Variants in RIMS2 observed in about 807,000 individuals in gnomAD.
The protein encoded by RIMS2 is regulating synaptic membrane exocytosis 2.
In RIMS2, 59 loss-of-function variants were observed where a neutral mutation model predicts 174.4. That is an observed-to-expected ratio of 0.34 (90% CI 0.27 to 0.42). The LOEUF (loss-of-function observed/expected upper bound fraction) is 0.42, where lower values mean the gene tolerates loss of function less well. Among genes scored for constraint, RIMS2 ranks in the 10% least tolerant of loss-of-function variants. RIMS2 has a pLI of 1.00. For missense variants in RIMS2, 1,620 were observed against 1,666.3 expected (o/e 0.97, Z 0.48); for synonymous variants, 606 against 572.5 (o/e 1.06, Z -0.84).
chr8:104,148,575 G>A (rs369743981), intron 19 of RIMS2, 32 bp from the exon 25 acceptor site: 14 of 1,574,578 alleles, frequency 8.9e-6, no homozygotes, highest in Admixed American at 1.8e-5. Context: ...TTTTACTCTT[G>A]TCCTCACTTT....
intron 2 of RIMS2, among the ~76,000 whole-genome samples, chr8:103,746,637 G>A (rs2097820424): frequency 6.6e-6 from 1 of 151,798 alleles, no homozygotes; most frequent in South Asian, 2.1e-4. Flanking sequence ...CAGTGTGTGT[G>A]TTGTTCTCTT....
intron 2 of RIMS2, among the ~76,000 whole-genome samples, chr8:103,706,939 C>T (rs2097238193): frequency 6.6e-6 from 1 of 152,098 alleles, no homozygotes; most frequent in African/African-American, 2.4e-5. Flanking sequence ...TCCCTTGTAG[C>T]CTGTTTTCTA....
chr8:103,534,572 T>C (rs1838922552), intron 1 of RIMS2, among the ~76,000 whole-genome samples: 1 of 151,936 alleles, frequency 6.6e-6, no homozygotes, highest in Admixed American at 6.6e-5. Flanking sequence ...CGTATTTGTA[T>C]TTCCTATCTG....
chr8:103,817,450 T>A (rs1405283247), intron 3 of RIMS2, among the ~76,000 whole-genome samples: 1 of 152,156 alleles, frequency 6.6e-6, no homozygotes, highest in Non-Finnish European at 1.5e-5. Context: ...ATCAAAATAT[T>A]TTTTCTATCT....
chr8:103,801,488 A>G (rs1343100014), intron 3 of RIMS2, among the ~76,000 whole-genome samples: 1 of 152,216 alleles, frequency 6.6e-6, no homozygotes, highest in Non-Finnish European at 1.5e-5. Context: ...GGCAGAATAG[A>G]CATTTTCATA....
chr8:104,010,391 A>G (rs2095718418), intron 17 of RIMS2, among the ~76,000 whole-genome samples: 1 of 152,170 alleles, frequency 6.6e-6, no homozygotes, highest in African/African-American at 2.4e-5. Context: ...TGTTTAAGAC[A>G]AAGGCCTTCT....
chr8:103,819,492 A>G (rs773910505), intron 3 of RIMS2: 1 of 1,611,116 alleles, frequency 6.2e-7, no homozygotes, highest in Middle Eastern at 1.7e-4. Flanking sequence ...GAGAAGGGGA[A>G]AAAAAAAGAA....
In RIMS2 at chr8:104,014,357, C is replaced by A; in HGVS notation, c.3225-149C>A. 5.8e-6 allele frequency: 3 copies of A among 517,566 alleles called. No homozygotes were observed. The East Asian group carries it at 8.5e-5, about 15-fold the overall frequency. The allele number at this position is 517,566 out of a possible 1,614,324, so 32.1% of individuals were successfully genotyped here. ...TTTTGCTATTTAATCATTCAGATAT[C>A]CATATTTTGTCCAGTTTTCCTAACC... On this transcript the variant is annotated intron_variant, in intron 18 of 23. Coordinates refer to ENST00000504942, the Ensembl canonical transcript of RIMS2.
At chr8:103,988,981 A>G (rs1284939835) in intron 16 of RIMS2, among the ~76,000 whole-genome samples, 1 of 152,176 alleles carries the variant, frequency 6.6e-6, no homozygotes, top group Non-Finnish European at 1.5e-5. Context: ...CCTCTTGAGT[A>G]TATTATTGAG....
At chr8:103,983,355 T>C (rs987495416) in intron 16 of RIMS2, among the ~76,000 whole-genome samples, 2 of 152,188 alleles carry the variant, frequency 1.3e-5, no homozygotes, top group Non-Finnish European at 2.9e-5. Flanking sequence ...GCAATCCCTA[T>C]CAGAATACCA....
chr8:104,051,303 CAT>C (rs987013964), intron 19 of RIMS2, among the ~76,000 whole-genome samples: 1 of 151,852 alleles, frequency 6.6e-6, no homozygotes, highest in East Asian at 1.9e-4. Context: ...CTCACACACA[CAT>C]ATATATATTT....
intron 1 of RIMS2, among the ~76,000 whole-genome samples, chr8:103,582,433 G>A (rs118015263): frequency 1.5e-4 from 23 of 152,254 alleles, no homozygotes; most frequent in East Asian, 7.8e-4. Context: ...ACTTTGTCTT[G>A]CACCTTAGGT....
At chr8:103,988,651 G>C (rs942178319) in intron 16 of RIMS2, among the ~76,000 whole-genome samples, 1 of 151,964 alleles carries the variant, frequency 6.6e-6, no homozygotes, top group Non-Finnish European at 1.5e-5. Context: ...GTAGAGACAG[G>C]GTTTCTCCAT....
intron 9 of RIMS2, among the ~76,000 whole-genome samples, chr8:103,919,922 C>T (rs1484792854): frequency 6.6e-6 from 1 of 151,938 alleles, no homozygotes; most frequent in African/African-American, 2.4e-5. Context: ...TTATTGCTCC[C>T]ATTTTATTTA....
intron 3 of RIMS2, among the ~76,000 whole-genome samples, chr8:103,880,039 G>T (rs1002083816): frequency 6.6e-6 from 1 of 151,578 alleles, no homozygotes; most frequent in African/African-American, 2.4e-5. Context: ...TACAAAAACT[G>T]CTGCTTCTTG....
chr8:103,544,505 G>A (rs1440009516), intron 1 of RIMS2, among the ~76,000 whole-genome samples: 3 of 152,092 alleles, frequency 2.0e-5, no homozygotes, highest in Non-Finnish European at 4.4e-5. Flanking sequence ...CTCCTATTGC[G>A]CTAGAGACAC....
chr8:103,936,415 T>C, intron 12 of RIMS2, 136 bp from the exon 15 acceptor site: 2 of 533,362 alleles, frequency 3.7e-6, no homozygotes. Context: ...TTTTAAAGGT[T>C]ATAACATTTG....
rs1565545073 is a variant in RIMS2, at chr8:103,961,143, T to C, written c.2770+10T>C. ...ATTGGTGTAGTATCAGGTAAGAATT[T>C]TAGAATTATTTTATAGTATTAAAAA... On this transcript the variant is annotated intron_variant, in intron 15 of 23. Coordinates refer to ENST00000504942, the Ensembl canonical transcript of RIMS2. 1 of 1,208,708 alleles carries C rather than the reference T, an allele frequency of 8.3e-7. No individual in the cohort carries two copies. The highest frequency in any genetic ancestry group is 1.9e-4 in the Middle Eastern group (1 of 5,270). The allele number at this position is 1,208,708 out of a possible 1,614,324, so 74.9% of individuals were successfully genotyped here.
At chr8:103,714,321 A>G (rs2097343424) in intron 2 of RIMS2, among the ~76,000 whole-genome samples, 1 of 152,176 alleles carries the variant, frequency 6.6e-6, no homozygotes. Flanking sequence ...ATAACAATCT[A>G]AACTTGTGGA....
Sources: allele counts gnomAD v4.1 joint callset (sites outside exome capture counted in the v4.1 genomes callset), GRCh38; gene constraint gnomAD v4.1.1; transcripts MANE v1.5; gene names NCBI Gene and HGNC (gene_info 2026-07-23, HGNC 2026-07-21).